VPS26C: variants seen among roughly 807,000 people sequenced by gnomAD.
VPS26C encodes the protein vacuolar protein sorting-associated protein 26C.
In VPS26C, 19 loss-of-function variants were observed where a neutral mutation model predicts 30.6. That is an observed-to-expected ratio of 0.62 (90% CI 0.43 to 0.91). The LOEUF (loss-of-function observed/expected upper bound fraction) is 0.91. Among genes scored for constraint, VPS26C ranks in the 40% least tolerant of loss-of-function variants. The pLI, the probability that VPS26C is intolerant of heterozygous loss-of-function variation, is 0.00. For synonymous variants in VPS26C, 132 were observed against 151.5 expected, an observed-to-expected ratio of 0.87 and a Z score of 0.95; for missense variants, 318 against 385.1, an observed-to-expected ratio of 0.83 and a Z score of 1.46.
At chr21:37,259,549 T>C (rs1005897143) in intron 1 of VPS26C, among the ~76,000 whole-genome samples, 5 of 152,210 alleles carry the variant, frequency 3.3e-5, no homozygotes, top group South Asian at 2.1e-4. Context: ...CAGAAAGATT[T>C]ACTGCAGGAT....
At chr21:37,244,711 A>G (rs1453106562) in intron 1 of VPS26C, among the ~76,000 whole-genome samples, 1 of 152,212 alleles carries the variant, frequency 6.6e-6, no homozygotes, top group African/African-American at 2.4e-5. Context: ...CAAAACCACA[A>G]ACTGCATTTT....
chr21:37,248,018 A>G (rs938760611), intron 1 of VPS26C, among the ~76,000 whole-genome samples: 2 of 152,150 alleles, frequency 1.3e-5, no homozygotes. Context: ...AAAAAGAAAA[A>G]GACGTGGTAT....
intron 7 of VPS26C, chr21:37,225,889 AC>A (rs567009149): frequency 3.8e-6 from 2 of 527,696 alleles, no homozygotes; most frequent in African/African-American, 3.8e-5. Flanking sequence ...ATCAGGCTTC[AC>A]CAACTACACT....
intron 7 of VPS26C, 181 bp from the exon 8 acceptor site, chr21:37,225,807 A>G (rs558154513): frequency 3.0e-5 from 18 of 605,288 alleles, no homozygotes; most frequent in Middle Eastern, 4.4e-4. Flanking sequence ...GGAGATGACT[A>G]TGCTGATGTC....
rs1405561605 is a variant in VPS26C at position 37,240,578 on chromosome 21, G to T, written c.119C>A (p.Ser40Tyr). 6.2e-7 allele frequency: 1 copy of T among 1,614,084 alleles called. No individual in the cohort carries two copies. The highest frequency in any genetic ancestry group is 1.3e-5 in the African/African-American group (1 of 74,918). ...SKDSVQHQGV[S>Y]LTMEGTVNLQ... ...GTTTACAGTTCCTTCCATGGTCAAA[G>T]ACACTCCCTGGTGTTGGACTGAATC... Residue 40 changes from serine to tyrosine, a missense_variant, in exon 2 of 8, where the codon TCT becomes TAT. By Grantham distance (144) the Ser-to-Tyr change is moderately radical (BLOSUM62 -2). Transcript: ENST00000309117.
intron 2 of VPS26C, among the ~76,000 whole-genome samples, chr21:37,238,904 C>T (rs774741131): frequency 2.6e-5 from 4 of 152,332 alleles, no homozygotes; most frequent in Non-Finnish European, 4.4e-5. Context: ...GTTTTAACGA[C>T]CCCGATCTTC....
rs1013927943 is a variant in VPS26C, at chr21:37,226,024, A to C, written c.812-398T>G. On this transcript the variant is annotated intron_variant, in intron 7 of 7. Transcript: ENST00000309117. This position sits in a 1 kb window ranked among gnomAD's most constrained non-coding sequence, Gnocchi z 4.1. ...GAAATAGCAGACTGTGAACCAGCGC[A>C]TAGCTGTCTGGGCCCATGTCCCCAA... 1 of 203,502 alleles carries C rather than the reference A, an allele frequency of 4.9e-6. No individual in the cohort carries two copies. The allele number at this position is 203,502 out of a possible 1,614,324, so 12.6% of individuals were successfully genotyped here. A position where few individuals can be genotyped will look rare whatever the true frequency, so the allele number is the denominator to read the frequency against.
chr21:37,257,551 A>G lies in VPS26C; in HGVS notation c.57+9687T>C, dbSNP rs931245460. Among the ~76,000 whole-genome samples the G allele has an allele frequency of 6.6e-6, 1 of 152,244 alleles. No individual in the cohort carries two copies. The highest frequency in any genetic ancestry group is 2.4e-5 in the African/African-American group (1 of 41,460). On this transcript the variant is annotated intron_variant, in intron 1 of 7. Transcript: ENST00000309117. This position sits in a 1 kb window ranked among gnomAD's most constrained non-coding sequence, Gnocchi z 4.2. ...TGCAGTAAAAGCACTGCCTGTCTGT[A>G]TAACAACGACCTGATGAAAAAAGGA...
At chr21:37,229,978 T>C (rs1398918886) in intron 5 of VPS26C, among the ~76,000 whole-genome samples, 1 of 152,260 alleles carries the variant, frequency 6.6e-6, no homozygotes, top group East Asian at 1.9e-4. Flanking sequence ...GCAATCCTTT[T>C]GCCTAAGCCT....
intron 1 of VPS26C, among the ~76,000 whole-genome samples, chr21:37,250,748 A>G (rs945051509): frequency 2.6e-5 from 4 of 151,888 alleles, no homozygotes; most frequent in Admixed American, 2.6e-4. Context: ...AAAAATATAA[A>G]AATTAGTCGG....
Position 37,267,250 on chromosome 21 carries a change from A to G in VPS26C, c.45T>C (p.Val15=), listed in dbSNP as rs1210489092. The G allele has an allele frequency of 6.3e-7, 1 of 1,598,912 alleles. No homozygotes were observed. Among genetic ancestry groups the G allele is most frequent in the Admixed American group, 1.7e-5 (1 of 59,604 alleles). Residue 15 remains valine, a synonymous_variant, in exon 1 of 8, where the codon GTT becomes GTC. Coordinates refer to ENST00000309117, the MANE Select transcript of VPS26C (RefSeq NM_006052.2). The part of the protein sequence containing the change: ...LDIKIKRANK[V]YHAGEVLSGV... ...AGCCCCCACTTACCCCGGCGTGATAAACTTTATTCGCTCTTTTAATCTTGA... is the reference window on the plus strand; with the variant it reads ...AGCCCCCACTTACCCCGGCGTGATAGACTTTATTCGCTCTTTTAATCTTGA...
At position 37,224,829 on chromosome 21, in the gene VPS26C, CA is replaced by C; in HGVS notation, c.*714del. The C allele has an allele frequency of 6.6e-6, 1 of 152,310 alleles. No homozygotes were observed. The allele number at this position is 152,310 out of a possible 1,614,324, so 9.4% of individuals were successfully genotyped here. On this transcript the variant is annotated 3_prime_UTR_variant, in exon 8 of 8. Coordinates refer to ENST00000309117, the MANE Select transcript of VPS26C (RefSeq NM_006052.2). ...TGAAGCCCCGTCTCTACTAAAAATA[CA>C]AACATTAGCCGGGCACGGTGGCAGT...
At chr21:37,232,350 G>A (rs117381241) in intron 5 of VPS26C, 27 bp downstream of exon 5, 22,511 of 1,605,798 alleles carry the variant, frequency 0.014, 209 homozygotes, top group Non-Finnish European at 0.017. Flanking sequence ...AGATACCCAC[G>A]GCATTCGCCT....
intron 1 of VPS26C, among the ~76,000 whole-genome samples, chr21:37,265,910 C>CTTTTTTTT (rs59649054): frequency 6.6e-4 from 51 of 77,232 alleles, no homozygotes; most frequent in Non-Finnish European, 9.9e-4. Context: ...AGCTTTTTCT[C>CTTTTTTTT]TTTTTTTTTT....
chr21:37,267,718 T>G (rs556893158), upstream of VPS26C: 8 of 238,840 alleles, frequency 3.3e-5, no homozygotes, highest in Non-Finnish European at 6.7e-5. Flanking sequence ...GCAGGAAGGA[T>G]GACGCTCCCG....
chr21:37,258,113 T>G (rs994237838), intron 1 of VPS26C, among the ~76,000 whole-genome samples: 1 of 152,240 alleles, frequency 6.6e-6, no homozygotes. Flanking sequence ...TGCCGTGAGA[T>G]CTGCCTGCAG....
chr21:37,240,284 G>A (rs577602425), intron 2 of VPS26C, among the ~76,000 whole-genome samples: 3 of 152,000 alleles, frequency 2.0e-5, no homozygotes, highest in South Asian at 2.1e-4. Flanking sequence ...CACCACACCC[G>A]GCTAATTTTT....
chr21:37,250,973 C>T (rs1443215311), intron 1 of VPS26C, among the ~76,000 whole-genome samples: 1 of 147,510 alleles, frequency 6.8e-6, no homozygotes, highest in Admixed American at 6.8e-5. Flanking sequence ...GGCAAATGAT[C>T]TGAACAAAGA....
chr21:37,227,845 A>G, intron 6 of VPS26C, 39 bp from the exon 7 acceptor site: 1 of 1,461,690 alleles, frequency 6.8e-7, no homozygotes, highest in Non-Finnish European at 9.0e-7. Flanking sequence ...CAGGGCCAGC[A>G]GAGGCTGCGG....
Sources: allele counts gnomAD v4.1 joint callset (sites outside exome capture counted in the v4.1 genomes callset), GRCh38; gene constraint gnomAD v4.1.1; non-coding constraint Gnocchi (gnomAD v3.1); transcripts MANE v1.5; gene names NCBI Gene and HGNC (gene_info 2026-07-23, HGNC 2026-07-21).